The following GNG13 variants were observed in gnomAD, a reference collection of about 807,000 sequenced individuals.
GNG13 encodes the protein guanine nucleotide-binding protein G(I)/G(S)/G(O) subunit gamma-13.
GNG13 carries 12 observed loss-of-function variants against 8.2 expected under a neutral mutation model. That is an observed-to-expected ratio of 1.47 (90% confidence interval 0.94 to 2.38). The LOEUF (loss-of-function observed/expected upper bound fraction) is 2.38. Ranked by LOEUF, GNG13 falls within the 30% of genes most tolerant of loss-of-function variation. The pLI, the probability that GNG13 is intolerant of heterozygous loss-of-function variation, is 0.00. For missense variants in GNG13, 100 were observed against 85.2 expected, an observed-to-expected ratio of 1.17 and a Z score of -0.68; for synonymous variants, 45 against 33.0, an observed-to-expected ratio of 1.37 and a Z score of -1.25.
In GNG13 at chr16:798,296, G is replaced by T; in HGVS notation, c.*423C>A. On this transcript the variant is annotated 3_prime_UTR_variant, in exon 3 of 3. Coordinates refer to ENST00000248150, the MANE Select transcript of GNG13 (RefSeq NM_016541.3). The stretch of plus-strand genomic sequence containing the variant: ...CAAGATGTTGTGAGTGGGGCCGGGA[G>T]TGGGGCTCACAGGTTGGTGTGAGTG... 1 of 525,504 alleles carries T rather than the reference G, an allele frequency of 1.9e-6. No individual in the cohort carries two copies. The highest frequency in any genetic ancestry group is 3.1e-5 in the Admixed American group (1 of 32,174). 32.6% of individuals were successfully genotyped at this position (525,504 alleles called of 1,614,324 possible). A position where few individuals can be genotyped will look rare whatever the true frequency, so the allele number is the denominator to read the frequency against.
chr16:799,241 A>G (rs939984995), intron 1 of GNG13, 130 bp from the exon 2 acceptor site: 4 of 616,192 alleles, frequency 6.5e-6, no homozygotes, highest in Non-Finnish European at 1.2e-5. Context: ...TGCCTGGGCC[A>G]GTCCCCTAGG....
chr16:799,068 A>C lies in GNG13; in HGVS notation c.10T>G (p.Trp4Gly), dbSNP rs2042424864. 6.3e-7 allele frequency: 1 copy of C among 1,599,780 alleles called. No individual in the cohort carries two copies. Among genetic ancestry groups the C allele is most frequent in the Non-Finnish European group, 8.6e-7 (1 of 1,167,790 alleles). Reference sequence around the variant, plus strand: ...TCTTTCTTCATCTGTGGCACGTCCCACTCCTCCATGGGGTCAGGGGCTTCT... The same window carrying C: ...TCTTTCTTCATCTGTGGCACGTCCCCCTCCTCCATGGGGTCAGGGGCTTCT... MEEWDVPQMKKEVE... is the reference protein window; with the variant it reads MEEGDVPQMKKEVE... The change falls in exon 2 of 3, where the codon TGG becomes GGG. Residue 4 changes from tryptophan (W) to glycine (G), a missense_variant. Physicochemically the swap from Trp to Gly is radical, Grantham distance 184. Transcript: ENST00000248150.
chr16:798,644 A>C lies in GNG13; in HGVS notation c.*75T>G, dbSNP rs2042419607. ...CAGGATGGAGTGAGTGGGGCTGGGC[A>C]CAGTCTTACAAGATGGTGGGAGTGG... is the stretch of plus-strand genomic sequence containing the variant. On this transcript the variant is annotated 3_prime_UTR_variant, in exon 3 of 3. Coordinates refer to ENST00000248150, the MANE Select transcript of GNG13 (RefSeq NM_016541.3). 5.7e-6 allele frequency: 5 copies of C among 873,494 alleles called. No homozygotes were observed. In the East Asian group the frequency reaches 1.0e-4, roughly 18 times the overall value. 54.1% of individuals were successfully genotyped at this position (873,494 alleles called of 1,614,324 possible).
rs1341296060 is a variant in GNG13, at chr16:798,057, C to T, written c.*662G>A. The T allele has an allele frequency of 2.2e-5, 34 of 1,512,480 alleles. No individual in the cohort carries two copies. Among genetic ancestry groups the T allele is most frequent in the South Asian group, 6.2e-5 (5 of 80,118 alleles). The allele number at this position is 1,512,480 out of a possible 1,614,324, so 93.7% of individuals were successfully genotyped here. A position where few individuals can be genotyped will look rare whatever the true frequency, so the allele number is the denominator to read the frequency against. ...AGCTGGAGATGTCTTTATAAAGTCA[C>T]ACCTTTACAGACTGTAATCACGTGC... On this transcript the variant is annotated 3_prime_UTR_variant, in exon 3 of 3. Coordinates refer to ENST00000248150, the MANE Select transcript of GNG13 (RefSeq NM_016541.3).
In GNG13 at chr16:798,041, T is replaced by C; in HGVS notation, c.*678A>G. ...GAGTGCAGAGACAGGAAGCTGGAGA[T>C]GTCTTTATAAAGTCACACCTTTACA... On this transcript the variant is annotated 3_prime_UTR_variant, in exon 3 of 3. Coordinates refer to ENST00000248150, the MANE Select transcript of GNG13 (RefSeq NM_016541.3). 1 of 1,550,608 alleles carries C rather than the reference T, an allele frequency of 6.4e-7. No homozygotes were observed. Among genetic ancestry groups the C allele is most frequent in the South Asian group, 1.2e-5 (1 of 83,384 alleles).
intron 1 of GNG13, among the ~76,000 whole-genome samples, chr16:799,334 A>G (rs895816504): frequency 6.6e-6 from 1 of 152,156 alleles, no homozygotes; most frequent in African/African-American, 2.4e-5. Flanking sequence ...TAACTGCAAG[A>G]AACTTTACAT....
At chr16:799,750 C>T (rs946236986) in intron 1 of GNG13, among the ~76,000 whole-genome samples, 1 of 152,140 alleles carries the variant, frequency 6.6e-6, no homozygotes, top group South Asian at 2.1e-4. Context: ...TGCTTGTGGC[C>T]AGCCTGGGAA....
Position 799,013 on chromosome 16 carries a change from A to G in GNG13, c.65T>C (p.Phe22Ser). 6.2e-7 allele frequency: 1 copy of G among 1,610,564 alleles called. No individual in the cohort carries two copies. The highest frequency in any genetic ancestry group is 1.1e-5 in the South Asian group (1 of 91,026). Residue 22 changes from phenylalanine to serine, a missense_variant, in exon 2 of 3, where the codon TTC becomes TCC. Phe to Ser is a radical substitution (Grantham distance 155, BLOSUM62 -2). Transcript: ENST00000248150. ...EVESLKYQLA[F>S]QREMASKTIP... ...GGTCTTGGACGCCATCTCCCGCTGGAAGGCCAGCTGGTACTTGAGGCTCTC... is the reference window on the plus strand; with the variant it reads ...GGTCTTGGACGCCATCTCCCGCTGGGAGGCCAGCTGGTACTTGAGGCTCTC...
chr16:798,826 TGCGGGTGG>T lies in GNG13; in HGVS notation c.99-10_99-3del. 2.5e-6 allele frequency: 4 copies of T among 1,601,998 alleles called. No individual in the cohort carries two copies. Among genetic ancestry groups the T allele is most frequent in the Non-Finnish European group, 3.4e-6 (4 of 1,170,434 alleles). On this transcript the variant is annotated splice_region_variant and splice_polypyrimidine_tract_variant and intron_variant, in intron 2 of 2. Coordinates refer to ENST00000248150, the MANE Select transcript of GNG13 (RefSeq NM_016541.3). ...CCGTCCTCGATCCACTTCAGCAGCC[TGCGGGTGG>T]GCGGGTGGCAGGTGAGTGGTGGCAC... is the stretch of plus-strand genomic sequence containing the variant.
In GNG13 at chr16:799,008, G is replaced by T. The variant is rs148166942; in HGVS notation, c.70C>A (p.Arg24=). 81 of 1,608,190 alleles carry T rather than the reference G, an allele frequency of 5.0e-5. No homozygotes were observed. In the East Asian group the frequency reaches 1.8e-3, roughly 35 times the overall value. ...ESLKYQLAFQ[R]EMASKTIPEL... ...GGGATGGTCTTGGACGCCATCTCCC[G>T]CTGGAAGGCCAGCTGGTACTTGAGG... is the stretch of plus-strand genomic sequence containing the variant. Residue 24 remains arginine, a synonymous_variant, in exon 2 of 3, where the codon CGG becomes AGG. Coordinates refer to ENST00000248150, the MANE Select transcript of GNG13 (RefSeq NM_016541.3).
At chr16:799,278 G>A (rs957978723) in intron 1 of GNG13, among the ~76,000 whole-genome samples, 167 bp from the exon 2 acceptor site, 4 of 152,212 alleles carry the variant, frequency 2.6e-5, no homozygotes, top group African/African-American at 7.2e-5. Context: ...GGCACAGAGC[G>A]AGTTCCCACA....
intron 1 of GNG13, among the ~76,000 whole-genome samples, chr16:800,229 GC>G: frequency 6.6e-6 from 1 of 152,238 alleles, no homozygotes; most frequent in South Asian, 2.1e-4. Context: ...ACCCCTACCC[GC>G]CCCCATCCCC....
intron 1 of GNG13, 46 bp from the exon 2 acceptor site, chr16:799,157 T>A: frequency 2.5e-6 from 2 of 802,058 alleles, no homozygotes; most frequent in Non-Finnish European, 2.2e-6. Flanking sequence ...CACCAGCCTG[T>A]AGTCCCCACC....
intron 1 of GNG13, among the ~76,000 whole-genome samples, chr16:800,002 C>A (rs978990406): frequency 6.6e-6 from 1 of 152,118 alleles, no homozygotes; most frequent in Non-Finnish European, 1.5e-5. Flanking sequence ...CAACAGTCTC[C>A]CCATCCTTTG....
Position 798,072 on chromosome 16 carries a change from T to C in GNG13, c.*647A>G, listed in dbSNP as rs1177390785. 1.4e-6 allele frequency: 2 copies of C among 1,467,622 alleles called. No individual in the cohort carries two copies. Among genetic ancestry groups the C allele is most frequent in the African/African-American group, 1.4e-5 (1 of 72,088 alleles). The allele number at this position is 1,467,622 out of a possible 1,614,324, so 90.9% of individuals were successfully genotyped here. On this transcript the variant is annotated 3_prime_UTR_variant, in exon 3 of 3. Transcript: ENST00000248150. Reference sequence around the variant, plus strand: ...TATAAAGTCACACCTTTACAGACTGTAATCACGTGCGAGTGGAGTGGGGTT... The same window carrying C: ...TATAAAGTCACACCTTTACAGACTGCAATCACGTGCGAGTGGAGTGGGGTT...
intron 1 of GNG13, among the ~76,000 whole-genome samples, chr16:799,457 C>A (rs73493221): frequency 0.04 from 6,150 of 152,102 alleles, 263 homozygotes; most frequent in African/African-American, 0.1. Flanking sequence ...GAGGCCCACG[C>A]AGGCTGACCC....
intron 1 of GNG13, among the ~76,000 whole-genome samples, chr16:800,072 C>A (rs1276703179): frequency 6.6e-6 from 1 of 151,934 alleles, no homozygotes; most frequent in Non-Finnish European, 1.5e-5. Context: ...GGTGGGGTCC[C>A]GGTGGTGAAT....
chr16:800,054 C>T (rs889745048), intron 1 of GNG13, among the ~76,000 whole-genome samples: 2 of 151,564 alleles, frequency 1.3e-5, no homozygotes, highest in African/African-American at 2.4e-5. Flanking sequence ...GGCCCAGGGC[C>T]TGAGGCTGGT....
intron 1 of GNG13, among the ~76,000 whole-genome samples, chr16:799,366 C>A (rs1413041837): frequency 6.6e-6 from 1 of 152,168 alleles, no homozygotes; most frequent in African/African-American, 2.4e-5. Flanking sequence ...CCCCCATAGG[C>A]CCCCACACCT....
Sources: gnomAD v4.1 joint callset for allele counts (sites outside exome capture counted in the v4.1 genomes callset) on GRCh38, gnomAD v4.1.1 for gene constraint, MANE v1.5 for transcripts, NCBI Gene and HGNC (gene_info 2026-07-23, HGNC 2026-07-21) for gene names.